The following GALNT17 variants were observed in gnomAD, a reference collection of about 807,000 sequenced individuals.
The protein encoded by GALNT17 is UDP-GalNAc:polypeptide N-acetylgalactosaminyltransferase-like 3.
Under a neutral mutation model 63.7 loss-of-function variants are expected in GALNT17, and 29 were observed. The observed-to-expected ratio is 0.46, with a 90% CI of 0.34 to 0.62. The LOEUF (loss-of-function observed/expected upper bound fraction) is 0.62, where lower values mean the gene tolerates loss of function less well. Ranked by LOEUF, GALNT17 falls within the 20% of genes least tolerant of loss-of-function variation. The pLI, the probability that GALNT17 is intolerant of heterozygous loss-of-function variation, is 0.01. For synonymous variants in GALNT17, 305 were observed against 318.3 expected, an observed-to-expected ratio of 0.96 and a Z score of 0.45; for missense variants, 603 against 799.6, an observed-to-expected ratio of 0.75 and a Z score of 2.97.
chr7:71,476,385 G>T (rs1195557463), intron 5 of GALNT17, among the ~76,000 whole-genome samples: 1 of 152,068 alleles, frequency 6.6e-6, no homozygotes, highest in Non-Finnish European at 1.5e-5. Flanking sequence ...AAAGATGTGT[G>T]GTTTTCAGTG....
At chr7:71,256,885 C>T (rs1203032491) in intron 1 of GALNT17, among the ~76,000 whole-genome samples, 4 of 152,060 alleles carry the variant, frequency 2.6e-5, no homozygotes, top group Non-Finnish European at 4.4e-5. Flanking sequence ...TCCTGCCATC[C>T]CAGATTCTGT....
chr7:71,711,870 C>A, intron 10 of GALNT17, 148 bp from the exon 11 acceptor site: 3 of 843,036 alleles, frequency 3.6e-6, no homozygotes, highest in Non-Finnish European at 5.4e-6. Context: ...CTCTTTGCCT[C>A]TTTCTCTGTC....
intron 1 of GALNT17, among the ~76,000 whole-genome samples, chr7:71,238,044 T>A (rs1789927155): frequency 1.3e-5 from 2 of 152,206 alleles, no homozygotes; most frequent in African/African-American, 4.8e-5. Context: ...CTTAGATCCA[T>A]GGCCACAGTG....
chr7:71,518,530 C>G (rs148648072), intron 5 of GALNT17, among the ~76,000 whole-genome samples: 1 of 152,264 alleles, frequency 6.6e-6, no homozygotes, highest in African/African-American at 2.4e-5. Flanking sequence ...GCAAGAGACA[C>G]GAGTCCAGCA....
At chr7:71,388,166 A>G (rs1469354198) in intron 2 of GALNT17, 69 bp from the exon 3 acceptor site, 26 of 1,519,738 alleles carry the variant, frequency 1.7e-5, no homozygotes, top group Middle Eastern at 1.7e-4. Context: ...ATCTTACACT[A>G]TGTCCAGCTG....
chr7:71,168,097 C>T (rs1182679108), intron 1 of GALNT17, among the ~76,000 whole-genome samples: 1 of 152,178 alleles, frequency 6.6e-6, no homozygotes, highest in Admixed American at 6.5e-5. Flanking sequence ...TGTTCCAGCA[C>T]AAATTTCTTG....
At chr7:71,374,997 G>C (rs1792694806) in intron 2 of GALNT17, among the ~76,000 whole-genome samples, 1 of 151,948 alleles carries the variant, frequency 6.6e-6, no homozygotes, top group Non-Finnish European at 1.5e-5. Context: ...ACACCACCAT[G>C]CCCAGCTAAT....
At chr7:71,570,128 T>C (rs560997577) in intron 5 of GALNT17, among the ~76,000 whole-genome samples, 2 of 152,092 alleles carry the variant, frequency 1.3e-5, no homozygotes, top group Non-Finnish European at 2.9e-5. Flanking sequence ...TTCTTGTCTC[T>C]AATTTTCAAT....
Position 71,420,890 on chromosome 7 carries a change from T to A in GALNT17, c.765-18T>A. Reference sequence around the variant, plus strand: ...CGGGAGAGAAGAGAGGTTTCATGTCTATTTCTCTATGTTTCAGGGCTGAGC... The same window carrying A: ...CGGGAGAGAAGAGAGGTTTCATGTCAATTTCTCTATGTTTCAGGGCTGAGC... On this transcript the variant is annotated intron_variant, in intron 4 of 10. Coordinates refer to ENST00000333538, the MANE Select transcript of GALNT17 (RefSeq NM_022479.3). The A allele has an allele frequency of 6.4e-7, 1 of 1,559,924 alleles. No homozygotes were observed. Among genetic ancestry groups the A allele is most frequent in the Non-Finnish European group, 8.7e-7 (1 of 1,147,258 alleles).
intron 1 of GALNT17, among the ~76,000 whole-genome samples, chr7:71,248,235 C>T (rs1460327590): frequency 3.9e-5 from 6 of 152,280 alleles, no homozygotes; most frequent in Middle Eastern, 3.4e-3. Flanking sequence ...CATGAGATCT[C>T]GTGAGAACTC....
At chr7:71,523,804 T>C (rs1313209635) in intron 5 of GALNT17, among the ~76,000 whole-genome samples, 1 of 150,526 alleles carries the variant, frequency 6.6e-6, no homozygotes. Context: ...AAGAAAGAAA[T>C]ACACATCCTC....
intron 3 of GALNT17, among the ~76,000 whole-genome samples, chr7:71,412,380 T>C (rs547121443): frequency 6.6e-6 from 1 of 152,102 alleles, no homozygotes; most frequent in Non-Finnish European, 1.5e-5. Context: ...TCTCCCTTTT[T>C]TTTTTTTTGA....
At chr7:71,621,544 TTG>T (rs1562713262) in intron 6 of GALNT17, among the ~76,000 whole-genome samples, 13 of 135,144 alleles carry the variant, frequency 9.6e-5, no homozygotes, top group African/African-American at 3.3e-4. Flanking sequence ...GATTGATGGA[TTG>T]ATGGATAGAT....
intron 5 of GALNT17, among the ~76,000 whole-genome samples, chr7:71,569,357 C>G (rs141429902): frequency 1.1e-3 from 161 of 152,222 alleles, no homozygotes; most frequent in African/African-American, 3.8e-3. Context: ...GAAGTTTGGG[C>G]ATCTGTTGAT....
intron 5 of GALNT17, among the ~76,000 whole-genome samples, chr7:71,483,927 C>T (rs1787864905): frequency 6.6e-6 from 1 of 152,046 alleles, no homozygotes; most frequent in African/African-American, 2.4e-5. Flanking sequence ...TTAGCCTAGG[C>T]CTACACAGGG....
chr7:71,276,393 A>G (rs1295763752), intron 1 of GALNT17, among the ~76,000 whole-genome samples: 2 of 152,232 alleles, frequency 1.3e-5, no homozygotes, highest in Admixed American at 1.3e-4. Context: ...TAGCAAAGTC[A>G]AGGAATGATA....
At chr7:71,626,772 ATGAAGT>A (rs1193441237) in intron 6 of GALNT17, among the ~76,000 whole-genome samples, 1 of 152,222 alleles carries the variant, frequency 6.6e-6, no homozygotes, top group Non-Finnish European at 1.5e-5. Flanking sequence ...AAATCAAGAA[ATGAAGT>A]TGAATTTCTG....
Position 71,132,679 on chromosome 7 carries a change from G to C in GALNT17, c.-124G>C. 2.6e-6 allele frequency: 2 copies of C among 769,014 alleles called. No individual in the cohort carries two copies. Among genetic ancestry groups the C allele is most frequent in the Non-Finnish European group, 4.1e-6 (2 of 492,608 alleles). 47.6% of individuals were successfully genotyped at this position (769,014 alleles called of 1,614,324 possible). ...CGCCCGAGCATCCTTGAGGTGGGAC[G>C]AGCAGGGGCTTGGATCCCTGCCGGC... On this transcript the variant is annotated 5_prime_UTR_variant, in exon 1 of 11. Coordinates refer to ENST00000333538, the MANE Select transcript of GALNT17 (RefSeq NM_022479.3).
intron 2 of GALNT17, among the ~76,000 whole-genome samples, chr7:71,360,296 T>C (rs1464806116): frequency 2.0e-5 from 3 of 152,234 alleles, no homozygotes; most frequent in Non-Finnish European, 4.4e-5. Context: ...ATATAAATTA[T>C]GACTACTAAC....
Sources: allele counts gnomAD v4.1 joint callset (sites outside exome capture counted in the v4.1 genomes callset), GRCh38; gene constraint gnomAD v4.1.1; transcripts MANE v1.5; gene names NCBI Gene and HGNC (gene_info 2026-07-23, HGNC 2026-07-21).